Variants in NT5DC3 observed in about 807,000 individuals in gnomAD.
NT5DC3 encodes 5'-nucleotidase domain containing 3.
A neutral mutation model predicts 67.8 loss-of-function variants in NT5DC3; 42 were observed. The observed-to-expected ratio is 0.62, with a 90% confidence interval of 0.48 to 0.80. NT5DC3 has a LOEUF of 0.80. Among genes scored for constraint, NT5DC3 ranks in the 30% least tolerant of loss-of-function variants. The pLI is 0.00. For missense variants in NT5DC3, 570 were observed against 696.4 expected, an observed-to-expected ratio of 0.82 and a Z score of 2.04; for synonymous variants, 237 against 255.6, an observed-to-expected ratio of 0.93 and a Z score of 0.69.
chr12:103,783,900 G>A (rs1885660217), intron 12 of NT5DC3, among the ~76,000 whole-genome samples: 1 of 152,126 alleles, frequency 6.6e-6, no homozygotes, highest in African/African-American at 2.4e-5. Flanking sequence ...TTTCACTGAG[G>A]GTGAGTCAAG....
chr12:103,778,070 T>C lies in NT5DC3; in HGVS notation c.1406A>G (p.Lys469Arg), dbSNP rs1885404896. Reference protein sequence around the residue: ...KERKEMREMTKSFFNAQFGSL... With the variant: ...KERKEMREMTRSFFNAQFGSL... Reference sequence around the variant, plus strand: ...TCCAAACTGGGCATTGAAGAAACTCTTGGTCATTTCTCTGAAGAGGCAATA... The same window carrying C: ...TCCAAACTGGGCATTGAAGAAACTCCTGGTCATTTCTCTGAAGAGGCAATA... The change falls in exon 14 of 14, where the codon AAG becomes AGG. Residue 469 changes from lysine to arginine, a missense_variant. This residue lies in a region of NT5DC3 where 466 missense variants were observed against 608.0 expected (regional missense o/e 0.77). Transcript: ENST00000392876. The C allele has an allele frequency of 1.9e-6, 3 of 1,609,942 alleles. No homozygotes were observed. The highest frequency in any genetic ancestry group is 2.5e-6 in the Non-Finnish European group (3 of 1,177,636).
At chr12:103,782,349 C>T (rs1340498109) in intron 12 of NT5DC3, among the ~76,000 whole-genome samples, 1 of 151,760 alleles carries the variant, frequency 6.6e-6, no homozygotes, top group Non-Finnish European at 1.5e-5. Context: ...GCCTGGGCAA[C>T]AGAGTGAGAC....
chr12:103,835,185 C>T (rs1888094707), intron 1 of NT5DC3, among the ~76,000 whole-genome samples: 1 of 152,180 alleles, frequency 6.6e-6, no homozygotes, highest in South Asian at 2.1e-4. Flanking sequence ...AGCCTTCAAA[C>T]CCACTGCTGG....
intron 1 of NT5DC3, among the ~76,000 whole-genome samples, chr12:103,820,529 C>T (rs76048318): frequency 0.018 from 2,749 of 152,210 alleles, 100 homozygotes; most frequent in East Asian, 0.18. Context: ...TTGGAAAGTA[C>T]AATTTTTGCC....
Position 103,776,606 on chromosome 12 carries a change from T to C in NT5DC3, c.*1223A>G, listed in dbSNP as rs1214270155. The C allele has an allele frequency of 6.6e-6, 1 of 151,334 alleles. No individual in the cohort carries two copies. Among genetic ancestry groups the C allele is most frequent in the Non-Finnish European group, 1.5e-5 (1 of 67,928 alleles). The allele number at this position is 151,334 out of a possible 1,614,324, so 9.4% of individuals were successfully genotyped here. A position where few individuals can be genotyped will look rare whatever the true frequency, so the allele number is the denominator to read the frequency against. On this transcript the variant is annotated 3_prime_UTR_variant, in exon 14 of 14. Transcript: ENST00000392876. ...GAAAAGCTTGGTTAGCTAGGTCATA[T>C]CTATTCCTTAGCTTCAATGTCCTTC... is the stretch of plus-strand genomic sequence containing the variant.
At chr12:103,767,664 TG>T (rs1010477783), downstream of NT5DC3, among the ~76,000 whole-genome samples, 7 of 151,980 alleles carry the variant, frequency 4.6e-5, no homozygotes, top group African/African-American at 1.2e-4. Context: ...TGCCAAAGAA[TG>T]TTGAAGATGC....
At chr12:103,802,527 T>C (rs1886631863) in intron 4 of NT5DC3, 1 of 152,110 alleles carries the variant, frequency 6.6e-6, no homozygotes, top group Admixed American at 6.5e-5. Flanking sequence ...GAGACTCCAG[T>C]GGAATGTGGA....
intron 1 of NT5DC3, among the ~76,000 whole-genome samples, chr12:103,830,336 T>C (rs563778721): frequency 6.6e-6 from 1 of 152,342 alleles, no homozygotes; most frequent in South Asian, 2.1e-4. Context: ...TTTATGATAT[T>C]CTCTTTGTCT....
chr12:103,755,647 G>A, the NT5DC3 span: 1 of 1,614,072 alleles, frequency 6.2e-7, no homozygotes, highest in Non-Finnish European at 8.5e-7. Flanking sequence ...CTATGTGGGA[G>A]ATGGCTTCTC....
the NT5DC3 span, among the ~76,000 whole-genome samples, chr12:103,748,644 ACACACACACACACACT>A: frequency 1.1e-5 from 1 of 87,342 alleles, no homozygotes; most frequent in Non-Finnish European, 2.4e-5. Flanking sequence ...ACACACACAC[ACACACACACACACACT>A]GTCCTAACAT....
In NT5DC3 at chr12:103,775,721, G is replaced by GAAGAA. The variant is rs71440508; in HGVS notation, c.*2107_*2108insTTCTT. ...CTTACTGTGTTCATAACAAAATGTA[G>GAAGAA]AAGATGGGGAGAAGCCTTATTGGAT... On this transcript the variant is annotated 3_prime_UTR_variant, in exon 14 of 14. Coordinates refer to ENST00000392876, the MANE Select transcript of NT5DC3 (RefSeq NM_001031701.3). 0.47 allele frequency: 70,669 copies of GAAGAA among 151,544 alleles called. 17,414 individuals carry two copies. The highest frequency in any genetic ancestry group is 0.88 in the East Asian group (4,508 of 5,124). The allele number at this position is 151,544 out of a possible 1,614,324, so 9.4% of individuals were successfully genotyped here.
At chr12:103,751,740 C>T in the NT5DC3 span, among the ~76,000 whole-genome samples, 10 of 152,164 alleles carry the variant, frequency 6.6e-5, no homozygotes, top group Non-Finnish European at 1.3e-4. Context: ...GTTCCCAAAG[C>T]CCACTTCCAA....
chr12:103,761,600 G>A, the NT5DC3 span, among the ~76,000 whole-genome samples: 1 of 151,944 alleles, frequency 6.6e-6, no homozygotes, highest in South Asian at 2.1e-4. Flanking sequence ...CCACTCCCAA[G>A]CATTAGCAAC....
chr12:103,771,355 A>G (rs775443080), downstream of NT5DC3: 3 of 152,234 alleles, frequency 2.0e-5, no homozygotes, highest in Non-Finnish European at 4.4e-5. Context: ...TGTTAAAATT[A>G]TGTCACAAAA....
chr12:103,841,009 C>T lies in NT5DC3; in HGVS notation c.148G>A (p.Ala50Thr), dbSNP rs1033602060. Reference sequence around the variant, plus strand: ...CACAGGTAGCGCTTCATGTCCGGGGCGGTCCCGGGTGCAGTGCACAAGGGC... The same window carrying T: ...CACAGGTAGCGCTTCATGTCCGGGGTGGTCCCGGGTGCAGTGCACAAGGGC... The part of the protein sequence containing the change: ...ARPLCTAPGT[A>T]PDMKRYLWER... Residue 50 changes from alanine (A) to threonine (T), a missense_variant, in exon 1 of 14, where the codon GCC (alanine) becomes ACC (threonine). Coordinates refer to ENST00000392876, the MANE Select transcript of NT5DC3 (RefSeq NM_001031701.3). The T allele has an allele frequency of 1.2e-5, 16 of 1,304,684 alleles. No homozygotes were observed. Among genetic ancestry groups the T allele is most frequent in the Middle Eastern group, 2.7e-4 (1 of 3,770 alleles). 80.8% of individuals were successfully genotyped at this position (1,304,684 alleles called of 1,614,324 possible).
chr12:103,797,555 A>G (rs964660157), intron 5 of NT5DC3, among the ~76,000 whole-genome samples: 2 of 151,952 alleles, frequency 1.3e-5, no homozygotes, highest in Non-Finnish European at 2.9e-5. Context: ...TATAACTAGG[A>G]TATCAAAAGA....
chr12:103,790,694 CTTTT>C (rs67812943), intron 9 of NT5DC3, among the ~76,000 whole-genome samples: 1 of 74,408 alleles, frequency 1.3e-5, no homozygotes, highest in Non-Finnish European at 2.4e-5. Flanking sequence ...CCAAGTACAT[CTTTT>C]TTTTTTTTTT....
At chr12:103,771,671 G>T (rs1292421865), downstream of NT5DC3, among the ~76,000 whole-genome samples, 1 of 152,208 alleles carries the variant, frequency 6.6e-6, no homozygotes, top group East Asian at 1.9e-4. Flanking sequence ...GGAGGGAAAG[G>T]CTGGGTTGAG....
intron 4 of NT5DC3, 116 bp downstream of exon 4, chr12:103,806,202 GTGAA>G (rs1886793975): frequency 1.4e-6 from 1 of 697,784 alleles, no homozygotes; most frequent in Non-Finnish European, 2.6e-6. Context: ...GAGTAAGTGA[GTGAA>G]TGAATGAATC....
Sources: gnomAD v4.1 joint callset for allele counts (sites outside exome capture counted in the v4.1 genomes callset) on GRCh38, gnomAD v4.1.1 for gene constraint, gnomAD v4.1.1 regional missense constraint, MANE v1.5 for transcripts, NCBI Gene and HGNC (gene_info 2026-07-23, HGNC 2026-07-21) for gene names.